PRR16: variants seen among roughly 807,000 people sequenced by gnomAD.
The protein encoded by PRR16 is proline rich 16, also known as protein Largen.
PRR16 carries 6 observed loss-of-function variants against 18.2 expected under a neutral mutation model. The ratio of observed to expected loss-of-function variants is 0.33; its 90% CI spans 0.18 to 0.65. PRR16 has a LOEUF of 0.65. Among genes scored for constraint, PRR16 ranks in the 30% least tolerant of loss-of-function variants. The pLI is 0.74. For missense variants in PRR16, 412 were observed against 376.6 expected (o/e 1.09, Z -0.78); for synonymous variants, 151 against 147.8 (o/e 1.02, Z -0.16).
chr5:120,741,072 T>G, the PRR16 span, among the ~76,000 whole-genome samples: 8 of 152,152 alleles, frequency 5.3e-5, no homozygotes, highest in Admixed American at 2.6e-4. Context: ...TTTAGCTATA[T>G]TCTTCTGTAT....
intron 1 of PRR16, among the ~76,000 whole-genome samples, chr5:120,507,940 C>A (rs1401689776): frequency 6.6e-6 from 1 of 152,084 alleles, no homozygotes; most frequent in Admixed American, 6.6e-5. Context: ...TACTTGCCTA[C>A]CCACTATTTA....
downstream of PRR16, among the ~76,000 whole-genome samples, chr5:120,688,618 C>T (rs934416403): frequency 1.3e-5 from 2 of 152,006 alleles, no homozygotes; most frequent in Non-Finnish European, 2.9e-5. Context: ...AAAGCTAGAC[C>T]GTTCAATATT....
the PRR16 span, among the ~76,000 whole-genome samples, chr5:120,770,379 A>T: frequency 4.8e-3 from 728 of 152,094 alleles, 1 homozygote; most frequent in Admixed American, 9.7e-3. Context: ...CATATAGAAG[A>T]AGGCAACTGG....
At chr5:120,767,110 TAAC>T in the PRR16 span, among the ~76,000 whole-genome samples, 7 of 152,068 alleles carry the variant, frequency 4.6e-5, 1 homozygote, top group African/African-American at 1.4e-4. Flanking sequence ...CACAACTGGA[TAAC>T]AACATTTTGA....
chr5:120,464,585 C>T lies in PRR16; in HGVS notation c.99C>T (p.Ile33=), dbSNP rs1325026375. The change falls in exon 1 of 2, where the codon ATC becomes ATT. Residue 33 remains isoleucine (I), a synonymous_variant. Transcript: ENST00000407149. ...KTKVKEQIKI[I]VEDLELVLGD... ...AGGTGAAGGAACAGATCAAGATCAT[C>T]GTGGAGGATTTGGAATTAGTCCTGG... 2 of 1,585,344 alleles carry T rather than the reference C, an allele frequency of 1.3e-6. No individual in the cohort carries two copies.
At chr5:120,705,565 T>G in the PRR16 span, among the ~76,000 whole-genome samples, 2 of 152,154 alleles carry the variant, frequency 1.3e-5, no homozygotes, top group Non-Finnish European at 2.9e-5. Flanking sequence ...ATAATCAGCT[T>G]ATATTTTCCA....
At chr5:120,532,132 T>C (rs1407612877) in intron 1 of PRR16, among the ~76,000 whole-genome samples, 1 of 152,154 alleles carries the variant, frequency 6.6e-6, no homozygotes, top group East Asian at 1.9e-4. Context: ...AAAATCAAAA[T>C]CCTATGGGTT....
the PRR16 span, among the ~76,000 whole-genome samples, chr5:120,783,920 T>G: frequency 6.6e-6 from 1 of 152,082 alleles, no homozygotes; most frequent in Non-Finnish European, 1.5e-5. Flanking sequence ...TCCACCTTCA[T>G]AAGATAATTT....
chr5:120,676,240 A>G (rs1309001735), intron 1 of PRR16, among the ~76,000 whole-genome samples: 1 of 152,194 alleles, frequency 6.6e-6, no homozygotes, highest in African/African-American at 2.4e-5. Flanking sequence ...CCCAGTATCC[A>G]TGTATCACGA....
At chr5:120,576,475 A>T (rs1753082109) in intron 1 of PRR16, among the ~76,000 whole-genome samples, 1 of 152,182 alleles carries the variant, frequency 6.6e-6, no homozygotes, top group East Asian at 1.9e-4. Flanking sequence ...ACATTACTTC[A>T]TTCCAGTTAG....
At chr5:120,637,919 T>C (rs548197168) in intron 1 of PRR16, among the ~76,000 whole-genome samples, 3 of 152,304 alleles carry the variant, frequency 2.0e-5, no homozygotes, top group South Asian at 2.1e-4. Flanking sequence ...AGTAACCTTT[T>C]GTAAAATACA....
At chr5:120,571,914 C>G (rs778247753) in intron 1 of PRR16, among the ~76,000 whole-genome samples, 3 of 152,114 alleles carry the variant, frequency 2.0e-5, no homozygotes, top group Non-Finnish European at 4.4e-5. Context: ...GGTGTCTTGA[C>G]AGGGACATCT....
chr5:120,546,129 G>A (rs1397796085), intron 1 of PRR16, among the ~76,000 whole-genome samples: 1 of 152,050 alleles, frequency 6.6e-6, no homozygotes, highest in Non-Finnish European at 1.5e-5. Context: ...GTGTTGCAAC[G>A]TTAGTGGCAG....
At chr5:120,668,251 G>T in intron 1 of PRR16, among the ~76,000 whole-genome samples, 1 of 151,036 alleles carries the variant, frequency 6.6e-6, no homozygotes, top group Non-Finnish European at 1.5e-5. Context: ...TTTAAAGTCT[G>T]TTTTATCAGA....
the PRR16 span, among the ~76,000 whole-genome samples, chr5:120,770,867 A>C: frequency 2.0e-5 from 3 of 149,974 alleles, no homozygotes; most frequent in South Asian, 6.3e-4. Context: ...AGGACATACA[A>C]CTCATTTACT....
intron 1 of PRR16, among the ~76,000 whole-genome samples, chr5:120,506,271 A>G (rs2112850363): frequency 6.6e-6 from 1 of 152,190 alleles, no homozygotes; most frequent in East Asian, 1.9e-4. Flanking sequence ...TTTCACATAT[A>G]TCTTTTTTTA....
intron 1 of PRR16, among the ~76,000 whole-genome samples, chr5:120,579,571 G>A (rs113442606): frequency 0.13 from 19,237 of 151,982 alleles, 1,558 homozygotes; most frequent in Non-Finnish European, 0.17. Context: ...TAGATGTGTG[G>A]TATTCTTTCT....
At chr5:120,490,971 A>G (rs558944461) in intron 1 of PRR16, among the ~76,000 whole-genome samples, 11 of 152,290 alleles carry the variant, frequency 7.2e-5, no homozygotes, top group African/African-American at 2.4e-4. Flanking sequence ...AACAGCGGAT[A>G]TTGGTGAACA....
chr5:120,552,051 A>G (rs1010753281), intron 1 of PRR16, among the ~76,000 whole-genome samples: 4 of 151,890 alleles, frequency 2.6e-5, no homozygotes, highest in Non-Finnish European at 5.9e-5. Context: ...CCAATTCACA[A>G]TCCTCTATGA....
Sources: gnomAD v4.1 joint callset for allele counts (sites outside exome capture counted in the v4.1 genomes callset) on GRCh38, gnomAD v4.1.1 for gene constraint, MANE v1.5 for transcripts, NCBI Gene and HGNC (gene_info 2026-07-23, HGNC 2026-07-21) for gene names.